WASF3: variants seen among roughly 807,000 people sequenced by gnomAD.
WASF3 encodes actin-binding protein WASF3.
WASF3 carries 11 observed loss-of-function variants against 46.6 expected under a neutral mutation model. That is an observed-to-expected ratio of 0.24 (90% confidence interval 0.15 to 0.39). The LOEUF (loss-of-function observed/expected upper bound fraction) is 0.39, where lower values mean the gene tolerates loss of function less well. Among genes scored for constraint, WASF3 ranks in the 10% least tolerant of loss-of-function variants. WASF3 has a pLI of 1.00. For missense variants in WASF3, 576 were observed against 669.8 expected (o/e 0.86, Z 1.55); for synonymous variants, 242 against 259.7 (o/e 0.93, Z 0.65).
At chr13:26,622,097 T>G (rs679674) in intron 2 of WASF3, among the ~76,000 whole-genome samples, 2,084 of 152,204 alleles carry the variant, frequency 0.014, 54 homozygotes, top group African/African-American at 0.047. Context: ...ACACATTTAG[T>G]TTTGTGTGTA....
At chr13:26,685,531 CTT>C (rs1320503231) in intron 9 of WASF3, among the ~76,000 whole-genome samples, 155 bp from the exon 10 acceptor site, 2 of 152,150 alleles carry the variant, frequency 1.3e-5, no homozygotes, top group Admixed American at 6.5e-5. Context: ...TCTCATGAAA[CTT>C]TTAATATTCC....
chr13:26,576,896 G>T, intron 1 of WASF3: 1 of 756,162 alleles, frequency 1.3e-6, no homozygotes, highest in African/African-American at 1.7e-5. Context: ...ATGGCTGTTG[G>T]CAAGAACAAA....
At chr13:26,587,413 AT>A (rs1378242540) in intron 1 of WASF3, among the ~76,000 whole-genome samples, 1 of 152,128 alleles carries the variant, frequency 6.6e-6, no homozygotes, top group East Asian at 1.9e-4. Flanking sequence ...TCTTGGCAAG[AT>A]CATTTGTCTG....
chr13:26,541,572 G>T, the WASF3 span, among the ~76,000 whole-genome samples: 7 of 152,144 alleles, frequency 4.6e-5, no homozygotes, highest in African/African-American at 9.7e-5. Flanking sequence ...CCCTAGTAGA[G>T]AACACACCTG....
chr13:26,641,077 A>G (rs1036506937), intron 2 of WASF3: 1 of 152,218 alleles, frequency 6.6e-6, no homozygotes, highest in African/African-American at 2.4e-5. Context: ...TCCTGTTTCC[A>G]GTACATTTCC....
At chr13:26,548,325 CTCT>C in the WASF3 span, among the ~76,000 whole-genome samples, 1 of 152,186 alleles carries the variant, frequency 6.6e-6, no homozygotes, top group Non-Finnish European at 1.5e-5. Flanking sequence ...TAATCTCCTT[CTCT>C]TCTTACTTTC....
intron 3 of WASF3, among the ~76,000 whole-genome samples, chr13:26,650,633 T>G (rs1217482664): frequency 6.6e-6 from 1 of 152,168 alleles, no homozygotes; most frequent in Non-Finnish European, 1.5e-5. Context: ...ATATATTGAA[T>G]GTACTGCAAA....
chr13:26,662,468 A>G (rs1437608246), intron 3 of WASF3, among the ~76,000 whole-genome samples: 2 of 152,250 alleles, frequency 1.3e-5, no homozygotes, highest in East Asian at 3.8e-4. Flanking sequence ...ACGCAGCCAT[A>G]ATGAAGAATG....
intron 1 of WASF3, among the ~76,000 whole-genome samples, chr13:26,592,440 A>G (rs1275390829): frequency 6.6e-6 from 1 of 152,204 alleles, no homozygotes; most frequent in Non-Finnish European, 1.5e-5. Context: ...TCTGGAGGCT[A>G]TGAAGTCCAC....
At chr13:26,599,317 G>A (rs537584666) in intron 1 of WASF3, among the ~76,000 whole-genome samples, 44 of 151,932 alleles carry the variant, frequency 2.9e-4, no homozygotes, top group African/African-American at 8.4e-4. Flanking sequence ...GGTGAAGCTG[G>A]GATTACAGGT....
At chr13:26,614,906 G>C (rs1226941431) in intron 2 of WASF3, among the ~76,000 whole-genome samples, 1 of 151,108 alleles carries the variant, frequency 6.6e-6, no homozygotes, top group Non-Finnish European at 1.5e-5. Context: ...TTTTGCTGCT[G>C]TGCTGCATTT....
chr13:26,569,889 G>A (rs1431059338), intron 1 of WASF3, among the ~76,000 whole-genome samples: 2 of 152,084 alleles, frequency 1.3e-5, no homozygotes, highest in Admixed American at 6.5e-5. Flanking sequence ...TCCTACAGGC[G>A]GTAAAGATTT....
chr13:26,655,346 A>C (rs1269732513), intron 3 of WASF3, among the ~76,000 whole-genome samples: 1 of 152,194 alleles, frequency 6.6e-6, no homozygotes, highest in Non-Finnish European at 1.5e-5. Context: ...AAGATATTGA[A>C]AGAAATATCA....
chr13:26,572,577 C>CT (rs1260454347), intron 1 of WASF3, among the ~76,000 whole-genome samples: 1 of 151,820 alleles, frequency 6.6e-6, no homozygotes, highest in Non-Finnish European at 1.5e-5. Flanking sequence ...GTATAAACTC[C>CT]TTTTTTGAGG....
At chr13:26,645,610 A>G (rs544495974) in intron 3 of WASF3, among the ~76,000 whole-genome samples, 1 of 152,236 alleles carries the variant, frequency 6.6e-6, no homozygotes, top group Non-Finnish European at 1.5e-5. Flanking sequence ...ATGCCGTTTT[A>G]TGGGAGTAGA....
intron 3 of WASF3, among the ~76,000 whole-genome samples, chr13:26,650,001 G>A (rs992293664): frequency 3.9e-5 from 6 of 152,102 alleles, no homozygotes; most frequent in South Asian, 2.1e-4. Context: ...CCCAGCAGGC[G>A]GAGGTTGCAG....
At chr13:26,664,317 T>A (rs1361349603) in intron 3 of WASF3, among the ~76,000 whole-genome samples, 4 of 152,234 alleles carry the variant, frequency 2.6e-5, no homozygotes, top group South Asian at 2.1e-4. Flanking sequence ...CTATTTAATA[T>A]TTGTTGCATG....
At chr13:26,641,245 T>G (rs1302161630) in intron 2 of WASF3, 8 of 152,224 alleles carry the variant, frequency 5.3e-5, no homozygotes, top group Non-Finnish European at 1.0e-4. Flanking sequence ...CCACCTGTTT[T>G]ATCTCCCCTC....
At chr13:26,567,576 C>T (rs551744863) in intron 1 of WASF3, among the ~76,000 whole-genome samples, 54 of 152,182 alleles carry the variant, frequency 3.5e-4, no homozygotes, top group African/African-American at 8.2e-4. Flanking sequence ...TTACACAGTA[C>T]GACATATTTG....
Sources: allele counts gnomAD v4.1 joint callset (sites outside exome capture counted in the v4.1 genomes callset), GRCh38; gene constraint gnomAD v4.1.1; transcripts MANE v1.5; gene names NCBI Gene and HGNC (gene_info 2026-07-23, HGNC 2026-07-21).